MRPS18A: variants seen among roughly 807,000 people sequenced by gnomAD.
MRPS18A encodes mitochondrial ribosomal protein S18A.
In MRPS18A, 20 loss-of-function variants were observed where a neutral mutation model predicts 22.7. That is an observed-to-expected ratio of 0.88 (90% CI 0.62 to 1.28). The LOEUF (loss-of-function observed/expected upper bound fraction) is 1.28. Ranked by LOEUF, MRPS18A falls within the 50% of genes most tolerant of loss-of-function variation. The pLI, the probability that MRPS18A is intolerant of heterozygous loss-of-function variation, is 0.00. For missense variants in MRPS18A, 294 were observed against 262.6 expected, an observed-to-expected ratio of 1.12 and a Z score of -0.83; for synonymous variants, 106 against 99.1, an observed-to-expected ratio of 1.07 and a Z score of -0.41.
intron 1 of MRPS18A, among the ~76,000 whole-genome samples, chr6:43,683,399 G>A (rs1774520963): frequency 6.6e-6 from 1 of 152,198 alleles, no homozygotes; most frequent in African/African-American, 2.4e-5. Flanking sequence ...GAGGCCCTTA[G>A]TAGATTTTAA....
At chr6:43,679,343 GCC>G (rs2127948335) in intron 2 of MRPS18A, among the ~76,000 whole-genome samples, 1 of 152,324 alleles carries the variant, frequency 6.6e-6, no homozygotes, top group East Asian at 1.9e-4. Context: ...CCCGGGCTGT[GCC>G]ATATAAGCAG....
intron 3 of MRPS18A, among the ~76,000 whole-genome samples, chr6:43,676,469 G>T (rs1339621360): frequency 1.3e-5 from 2 of 152,212 alleles, no homozygotes; most frequent in Non-Finnish European, 2.9e-5. Flanking sequence ...TAGGCCCCCT[G>T]TGACCAGATC....
At chr6:43,686,323 TG>T (rs1774695092) in intron 1 of MRPS18A, among the ~76,000 whole-genome samples, 1 of 151,634 alleles carries the variant, frequency 6.6e-6, no homozygotes, top group Non-Finnish European at 1.5e-5. Flanking sequence ...TTTTGCAGCA[TG>T]GGAACAAATG....
intron 5 of MRPS18A, among the ~76,000 whole-genome samples, chr6:43,674,996 C>T (rs1465632431): frequency 6.6e-6 from 1 of 152,212 alleles, no homozygotes; most frequent in Admixed American, 6.5e-5. Flanking sequence ...GGCCTCTACC[C>T]TCCTTGCGCC....
chr6:43,678,394 T>C, intron 3 of MRPS18A, 124 bp downstream of exon 3: 1 of 717,336 alleles, frequency 1.4e-6, no homozygotes, highest in Non-Finnish European at 2.5e-6. Context: ...GACAAAATGC[T>C]CCCATCTCTG....
At chr6:43,681,993 A>T (rs1023415682) in intron 1 of MRPS18A, among the ~76,000 whole-genome samples, 13 of 152,232 alleles carry the variant, frequency 8.5e-5, no homozygotes, top group African/African-American at 2.9e-4. Flanking sequence ...CCGTGTTGAC[A>T]CAGTTTCTTT....
intron 5 of MRPS18A, chr6:43,672,254 G>A: frequency 2.3e-6 from 1 of 432,560 alleles, no homozygotes; most frequent in South Asian, 1.9e-5. Context: ...CTCAGCCATG[G>A]GGCGAGAAGA....
At chr6:43,675,162 G>A (rs377074058) in intron 5 of MRPS18A, 40 bp downstream of exon 5, 3 of 1,481,950 alleles carry the variant, frequency 2.0e-6, no homozygotes, top group East Asian at 2.3e-5. Flanking sequence ...GTTTTCCTGA[G>A]CGCAGAACGC....
intron 1 of MRPS18A, among the ~76,000 whole-genome samples, chr6:43,685,809 G>A (rs770929418): frequency 1.3e-5 from 2 of 152,156 alleles, no homozygotes; most frequent in African/African-American, 2.4e-5. Flanking sequence ...TACACATAAT[G>A]CATAGACTAG....
chr6:43,677,114 T>C (rs1233344392), intron 3 of MRPS18A, among the ~76,000 whole-genome samples: 15 of 152,162 alleles, frequency 9.9e-5, no homozygotes. Context: ...GTAGGAAGAG[T>C]GCCCTACAGT....
At chr6:43,672,008 G>T in intron 5 of MRPS18A, 102 bp from the exon 6 acceptor site, 1 of 1,326,410 alleles carries the variant, frequency 7.5e-7, no homozygotes, top group Non-Finnish European at 1.0e-6. Context: ...GGTTGGGCAA[G>T]CAAATCCTTT....
At chr6:43,681,729 G>T (rs1394931911) in intron 1 of MRPS18A, among the ~76,000 whole-genome samples, 4 of 152,184 alleles carry the variant, frequency 2.6e-5, no homozygotes, top group Admixed American at 6.5e-5. Context: ...AGTGTTGATG[G>T]ATGCGGTAGG....
In MRPS18A at chr6:43,687,679, C is replaced by T. The variant is rs1427662705; in HGVS notation, c.101G>A (p.Gly34Glu). Reference protein sequence around the residue: ...ATSWSRLPARGFREVVETQEG... With the variant: ...ATSWSRLPAREFREVVETQEG... Reference sequence around the variant, plus strand: ...GACGCATGACTCACCTTCCCTGAACCCGCGAGCTGGAAGCCGAGACCAGCT... The same window carrying T: ...GACGCATGACTCACCTTCCCTGAACTCGCGAGCTGGAAGCCGAGACCAGCT... Residue 34 changes from glycine to glutamate, a missense_variant, in exon 1 of 6, where the codon GGG becomes GAG. Transcript: ENST00000372133. 3 of 1,573,508 alleles carry T rather than the reference C, an allele frequency of 1.9e-6. No individual in the cohort carries two copies. Among genetic ancestry groups the T allele is most frequent in the Non-Finnish European group, 2.6e-6 (3 of 1,159,360 alleles).
chr6:43,682,276 G>A (rs1466819688), intron 1 of MRPS18A, among the ~76,000 whole-genome samples: 3 of 152,194 alleles, frequency 2.0e-5, no homozygotes, highest in African/African-American at 7.2e-5. Flanking sequence ...TCCAGCCTGA[G>A]GGACAGAGCG....
intron 2 of MRPS18A, 81 bp downstream of exon 2, chr6:43,681,008 G>A: frequency 7.2e-7 from 1 of 1,398,300 alleles, no homozygotes. Context: ...GTCCAGTTTG[G>A]GCCCCTCCCT....
In MRPS18A at chr6:43,673,520, T is replaced by C. The variant is rs905303338; in HGVS notation, c.447-1614A>G. Among the ~76,000 whole-genome samples, 20 of 152,216 alleles carry C rather than the reference T, an allele frequency of 1.3e-4. No individual in the cohort carries two copies. The highest frequency in any genetic ancestry group is 2.6e-4 in the Non-Finnish European group (18 of 68,022). On this transcript the variant is annotated intron_variant, in intron 5 of 5. Transcript: ENST00000372133. The surrounding 1 kb of genome is among the most constrained non-coding windows in gnomAD (Gnocchi z 4.2). ...TCTCCCATGCCTTGGAGAGGGAAGCTGGGCTTTAGCTGGCCTTGGGCCTGA... is the reference window on the plus strand; with the variant it reads ...TCTCCCATGCCTTGGAGAGGGAAGCCGGGCTTTAGCTGGCCTTGGGCCTGA...
intron 5 of MRPS18A, chr6:43,672,217 C>T (rs111443547): frequency 1.5e-5 from 7 of 462,926 alleles, no homozygotes; most frequent in African/African-American, 1.0e-4. Flanking sequence ...AAGAGGCTGC[C>T]TGAAGAGCAG....
At chr6:43,682,425 A>T (rs1267512387) in intron 1 of MRPS18A, among the ~76,000 whole-genome samples, 1 of 152,218 alleles carries the variant, frequency 6.6e-6, no homozygotes, top group Non-Finnish European at 1.5e-5. Context: ...CTAATTGGAC[A>T]CAGACTGCTT....
chr6:43,677,958 C>T (rs1194286442), intron 3 of MRPS18A, among the ~76,000 whole-genome samples: 1 of 152,096 alleles, frequency 6.6e-6, no homozygotes, highest in Non-Finnish European at 1.5e-5. Flanking sequence ...AATGTGTTCC[C>T]AGATCACAGT....
Sources: allele counts gnomAD v4.1 joint callset (sites outside exome capture counted in the v4.1 genomes callset), GRCh38; gene constraint gnomAD v4.1.1; non-coding constraint Gnocchi (gnomAD v3.1); transcripts MANE v1.5; gene names NCBI Gene and HGNC (gene_info 2026-07-23, HGNC 2026-07-21).